Variants in LRRTM4 observed in about 807,000 individuals in gnomAD.
LRRTM4 encodes leucine-rich repeat transmembrane neuronal protein 4.
Under a neutral mutation model 47.6 loss-of-function variants are expected in LRRTM4, and 25 were observed. The observed-to-expected ratio is 0.53, with a 90% CI of 0.38 to 0.73. The LOEUF is 0.73. LRRTM4 is among the 30% of genes least tolerant of loss of function. The pLI is 0.00. For missense variants in LRRTM4, 638 were observed against 713.4 expected (o/e 0.89, Z 1.20); for synonymous variants, 311 against 269.5 (o/e 1.15, Z -1.51).
chr2:77,055,853 T>C (rs1215247169), intron 3 of LRRTM4, among the ~76,000 whole-genome samples: 1 of 151,670 alleles, frequency 6.6e-6, no homozygotes, highest in African/African-American at 2.4e-5. Context: ...TGGAATACTA[T>C]GCAGCCATAA....
chr2:77,376,141 G>T (rs1672831708), intron 3 of LRRTM4, among the ~76,000 whole-genome samples: 1 of 151,700 alleles, frequency 6.6e-6, no homozygotes, highest in African/African-American at 2.4e-5. Context: ...TACCTATTGT[G>T]TTAGATTTAG....
chr2:77,073,361 G>A (rs62170923), intron 3 of LRRTM4, among the ~76,000 whole-genome samples: 1 of 151,886 alleles, frequency 6.6e-6, no homozygotes, highest in Non-Finnish European at 1.5e-5. Context: ...CTTACTTAGT[G>A]TAAAATTTTG....
At chr2:76,939,710 C>T (rs183447919) in intron 3 of LRRTM4, among the ~76,000 whole-genome samples, 93 of 152,124 alleles carry the variant, frequency 6.1e-4, no homozygotes, top group African/African-American at 2.1e-3. Flanking sequence ...AAAATTATTA[C>T]AGGTATTTAT....
At chr2:77,096,538 G>T (rs1300725774) in intron 3 of LRRTM4, among the ~76,000 whole-genome samples, 1 of 151,382 alleles carries the variant, frequency 6.6e-6, no homozygotes, top group Non-Finnish European at 1.5e-5. Context: ...TATATTAAAA[G>T]TCGAGAATAA....
intron 3 of LRRTM4, among the ~76,000 whole-genome samples, chr2:77,351,285 A>C (rs566913156): frequency 5.9e-5 from 9 of 152,008 alleles, no homozygotes; most frequent in Admixed American, 2.0e-4. Flanking sequence ...AAAAAAAAAA[A>C]CACATAAAAT....
chr2:77,456,067 C>G (rs868544933), intron 3 of LRRTM4, among the ~76,000 whole-genome samples: 1 of 152,086 alleles, frequency 6.6e-6, no homozygotes, highest in Non-Finnish European at 1.5e-5. Flanking sequence ...CTACCTTGAG[C>G]TCTTTCATCA....
At chr2:77,224,181 C>T (rs1674733107) in intron 3 of LRRTM4, among the ~76,000 whole-genome samples, 1 of 151,496 alleles carries the variant, frequency 6.6e-6, no homozygotes, top group African/African-American at 2.4e-5. Context: ...AACTGGATCC[C>T]TTCCTTACAC....
At chr2:77,295,583 A>G (rs1281164168) in intron 3 of LRRTM4, among the ~76,000 whole-genome samples, 1 of 152,160 alleles carries the variant, frequency 6.6e-6, no homozygotes, top group Non-Finnish European at 1.5e-5. Flanking sequence ...CCTCAACAGC[A>G]GAAATGTATT....
intron 3 of LRRTM4, among the ~76,000 whole-genome samples, chr2:77,388,787 T>TAG (rs1230138623): frequency 6.6e-6 from 1 of 151,980 alleles, no homozygotes; most frequent in Non-Finnish European, 1.5e-5. Context: ...GAAATATATA[T>TAG]AGAGAGAGAT....
intron 3 of LRRTM4, among the ~76,000 whole-genome samples, chr2:77,155,549 T>C (rs1672537910): frequency 6.6e-6 from 1 of 151,478 alleles, no homozygotes; most frequent in African/African-American, 2.4e-5. Context: ...CATAGAAACT[T>C]TGAATAATAT....
intron 3 of LRRTM4, among the ~76,000 whole-genome samples, chr2:77,165,108 C>T (rs1672841875): frequency 6.6e-6 from 1 of 151,748 alleles, no homozygotes; most frequent in Non-Finnish European, 1.5e-5. Context: ...CAAATAGATG[C>T]AATAAAAAAT....
intron 3 of LRRTM4, among the ~76,000 whole-genome samples, chr2:76,763,771 T>C (rs1267462378): frequency 6.6e-6 from 1 of 152,162 alleles, no homozygotes; most frequent in Non-Finnish European, 1.5e-5. Context: ...GGTAGAAATA[T>C]AGAAGAAGTT....
chr2:76,962,880 C>G (rs915886718), intron 3 of LRRTM4, among the ~76,000 whole-genome samples: 1 of 150,468 alleles, frequency 6.6e-6, no homozygotes, highest in Non-Finnish European at 1.5e-5. Flanking sequence ...TTTTTAAATG[C>G]CACCGTGACT....
intron 3 of LRRTM4, among the ~76,000 whole-genome samples, chr2:76,950,125 A>T (rs1451309701): frequency 6.6e-6 from 1 of 151,982 alleles, no homozygotes; most frequent in Non-Finnish European, 1.5e-5. Context: ...TAGGAAAAAT[A>T]GTTAAGCAAG....
intron 3 of LRRTM4, among the ~76,000 whole-genome samples, chr2:76,760,244 G>T (rs764261842): frequency 3.7e-4 from 57 of 152,240 alleles, no homozygotes; most frequent in Middle Eastern, 6.8e-3. Context: ...ACAAATATTT[G>T]CATACCTGGC....
chr2:77,521,406 C>T (rs187164382), intron 2 of LRRTM4, among the ~76,000 whole-genome samples: 8 of 151,796 alleles, frequency 5.3e-5, no homozygotes, highest in Middle Eastern at 3.4e-3. Context: ...GCTGTGGATA[C>T]GCAGACAGTA....
chr2:77,029,359 A>C (rs1394008498), intron 3 of LRRTM4, among the ~76,000 whole-genome samples: 4 of 152,090 alleles, frequency 2.6e-5, no homozygotes, highest in Admixed American at 2.6e-4. Flanking sequence ...AGGGAAGCAG[A>C]CAGTGCAGCC....
intron 3 of LRRTM4, among the ~76,000 whole-genome samples, chr2:77,363,656 G>A (rs192567587): frequency 2.0e-5 from 3 of 152,274 alleles, no homozygotes; most frequent in Non-Finnish European, 4.4e-5. Flanking sequence ...AATAGTAAAT[G>A]ACTAATGAAT....
At chr2:77,287,423 A>G (rs1410566755) in intron 3 of LRRTM4, among the ~76,000 whole-genome samples, 3 of 151,846 alleles carry the variant, frequency 2.0e-5, no homozygotes, top group African/African-American at 7.3e-5. Flanking sequence ...TCATATGTAT[A>G]TATTAGATAT....
Sources: allele counts gnomAD v4.1 joint callset (sites outside exome capture counted in the v4.1 genomes callset), GRCh38; gene constraint gnomAD v4.1.1; transcripts MANE v1.5; gene names NCBI Gene and HGNC (gene_info 2026-07-23, HGNC 2026-07-21).